The following EYS variants were observed in gnomAD, a reference collection of about 807,000 sequenced individuals.
EYS encodes EGF-like photoreceptor maintenance factor.
EYS carries 250 observed loss-of-function variants against 282.1 expected under a neutral mutation model. The observed-to-expected ratio is 0.89, with a 90% confidence interval of 0.80 to 0.98. EYS has a LOEUF of 0.98. Ranked by LOEUF, EYS falls within the 50% of genes least tolerant of loss-of-function variation. EYS has a pLI of 0.00. For missense variants in EYS, 4,016 were observed against 3,709.0 expected (o/e 1.08, Z -2.15); for synonymous variants, 1,355 against 1,282.9 (o/e 1.06, Z -1.20).
chr6:64,019,441 C>T (rs1009048959), intron 33 of EYS, among the ~76,000 whole-genome samples: 2 of 151,652 alleles, frequency 1.3e-5, no homozygotes, highest in East Asian at 1.9e-4. Flanking sequence ...AACGGAGTCT[C>T]GCTCTGTCTC....
At chr6:63,755,614 C>T (rs1027626847) in intron 41 of EYS, among the ~76,000 whole-genome samples, 6 of 152,134 alleles carry the variant, frequency 3.9e-5, no homozygotes, top group Non-Finnish European at 8.8e-5. Flanking sequence ...GCTATACGAG[C>T]TCTTTTTTGG....
At chr6:64,093,348 A>G (rs936530533) in intron 31 of EYS, among the ~76,000 whole-genome samples, 4 of 152,176 alleles carry the variant, frequency 2.6e-5, no homozygotes, top group Non-Finnish European at 4.4e-5. Flanking sequence ...CTCGGGCAGT[A>G]TGGCCATTTT....
chr6:64,497,768 G>T (rs1370105425), intron 26 of EYS, among the ~76,000 whole-genome samples: 1 of 152,114 alleles, frequency 6.6e-6, no homozygotes, highest in East Asian at 1.9e-4. Context: ...AGTGATTAAT[G>T]ATGCTGTTTT....
intron 11 of EYS, among the ~76,000 whole-genome samples, chr6:65,319,873 T>C (rs1769422344): frequency 6.6e-6 from 1 of 152,186 alleles, no homozygotes; most frequent in Non-Finnish European, 1.5e-5. Flanking sequence ...TGCCTTCCTA[T>C]TGACTTCCTG....
chr6:65,404,780 C>T (rs1469669058), intron 6 of EYS, among the ~76,000 whole-genome samples: 1 of 151,620 alleles, frequency 6.6e-6, no homozygotes, highest in Non-Finnish European at 1.5e-5. Flanking sequence ...TCTTAAGGTT[C>T]TTTAAAGAAT....
At position 64,902,104 on chromosome 6, in the gene EYS, G is replaced by A. The variant is rs1368724134; in HGVS notation, c.2846+9C>T. 1 of 1,508,294 alleles carries A rather than the reference G, an allele frequency of 6.6e-7. No homozygotes were observed. The highest frequency in any genetic ancestry group is 9.0e-7 in the Non-Finnish European group (1 of 1,117,044). 93.4% of individuals were successfully genotyped at this position (1,508,294 alleles called of 1,614,324 possible). On this transcript the variant is annotated intron_variant, in intron 18 of 42. Coordinates refer to ENST00000503581, the MANE Select transcript of EYS (RefSeq NM_001142800.2). ...CAAATAATTAATTTAATAAAAAGTAGCTTCTCACCTGTTTGTCAGATCCAC... is the reference window on the plus strand; with the variant it reads ...CAAATAATTAATTTAATAAAAAGTAACTTCTCACCTGTTTGTCAGATCCAC...
At chr6:64,284,408 C>T (rs142579672) in intron 30 of EYS, among the ~76,000 whole-genome samples, 68 of 152,320 alleles carry the variant, frequency 4.5e-4, no homozygotes, top group African/African-American at 1.6e-3. Flanking sequence ...TCTTGGGCAG[C>T]TCTGCCCTTG....
intron 8 of EYS, among the ~76,000 whole-genome samples, chr6:65,363,249 T>G (rs1238811147): frequency 6.6e-6 from 1 of 152,078 alleles, no homozygotes; most frequent in Non-Finnish European, 1.5e-5. Flanking sequence ...ACATAACATC[T>G]ATTTATTTCA....
At chr6:64,938,808 A>G (rs1562266926) in intron 15 of EYS, among the ~76,000 whole-genome samples, 1 of 151,690 alleles carries the variant, frequency 6.6e-6, no homozygotes, top group East Asian at 1.9e-4. Context: ...TCAATATACA[A>G]TGGGTTTATC....
rs765960053 is a variant in EYS at position 64,590,653 on chromosome 6, G to A, written c.5214C>T (p.His1738=). ...CAAAATCCAGAGAACTATCACTTGGGTGAAGTTTGAACAGTGTATGAGATC... is the reference window on the plus strand; with the variant it reads ...CAAAATCCAGAGAACTATCACTTGGATGAAGTTTGAACAGTGTATGAGATC... The part of the protein sequence containing the change: ...SKGSHTLFKL[H]PSDSSLDFEL... The change falls in exon 26 of 43, where the codon CAC becomes CAT. Residue 1738 remains histidine, a synonymous_variant. Transcript: ENST00000503581. 3.9e-6 allele frequency: 6 copies of A among 1,551,152 alleles called. No homozygotes were observed. In the African/African-American group the frequency reaches 6.8e-5, roughly 18 times the overall value.
intron 13 of EYS, among the ~76,000 whole-genome samples, chr6:65,026,938 A>T (rs1379240923): frequency 2.6e-5 from 4 of 150,960 alleles, no homozygotes; most frequent in African/African-American, 9.7e-5. Flanking sequence ...AAAGATTCAG[A>T]TATCTCTGAC....
At chr6:64,668,611 C>T (rs2149894135) in intron 22 of EYS, among the ~76,000 whole-genome samples, 1 of 129,746 alleles carries the variant, frequency 7.7e-6, no homozygotes, top group South Asian at 2.6e-4. Flanking sequence ...GTGCAGTGGG[C>T]TGGAGTGCAG....
chr6:64,353,415 G>A (rs1771713327), intron 29 of EYS, among the ~76,000 whole-genome samples: 1 of 151,316 alleles, frequency 6.6e-6, no homozygotes, highest in Non-Finnish European at 1.5e-5. Context: ...TCTAGATTAG[G>A]CATTTGAAAA....
At chr6:63,771,924 T>G (rs1192809663) in intron 40 of EYS, among the ~76,000 whole-genome samples, 1 of 152,178 alleles carries the variant, frequency 6.6e-6, no homozygotes, top group Non-Finnish European at 1.5e-5. Context: ...CTGTTGTCTT[T>G]TAATATAACC....
intron 35 of EYS, among the ~76,000 whole-genome samples, chr6:63,936,119 T>C (rs1316626764): frequency 1.3e-5 from 2 of 152,224 alleles, no homozygotes; most frequent in African/African-American, 2.4e-5. Context: ...TGTAGATGCC[T>C]GCTCAGGAAT....
chr6:64,006,765 T>C (rs1263533297), intron 33 of EYS, among the ~76,000 whole-genome samples: 1 of 152,208 alleles, frequency 6.6e-6, no homozygotes, highest in Non-Finnish European at 1.5e-5. Flanking sequence ...ACGTGGTTTT[T>C]GTCTTTAGTT....
At chr6:64,878,683 AT>A (rs57000492) in intron 19 of EYS, among the ~76,000 whole-genome samples, 1 of 150,600 alleles carries the variant, frequency 6.6e-6, no homozygotes, top group Non-Finnish European at 1.5e-5. Flanking sequence ...AAGCACATGC[AT>A]TTTTTTTCTG....
intron 12 of EYS, among the ~76,000 whole-genome samples, chr6:65,109,421 G>A (rs184220873): frequency 2.0e-5 from 3 of 151,856 alleles, no homozygotes; most frequent in Admixed American, 2.0e-4. Flanking sequence ...GTTTGTTTTG[G>A]TAGGATTGAA....
At chr6:64,032,487 C>A (rs1194847233) in intron 33 of EYS, among the ~76,000 whole-genome samples, 1 of 152,200 alleles carries the variant, frequency 6.6e-6, no homozygotes, top group African/African-American at 2.4e-5. Context: ...TGTCTGTGGA[C>A]ACAAACTGAG....
Sources: gnomAD v4.1 joint callset for allele counts (sites outside exome capture counted in the v4.1 genomes callset) on GRCh38, gnomAD v4.1.1 for gene constraint, MANE v1.5 for transcripts, NCBI Gene and HGNC (gene_info 2026-07-23, HGNC 2026-07-21) for gene names.